Variants in STXBP5L observed in about 807,000 individuals in gnomAD.
The protein encoded by STXBP5L is syntaxin binding protein 5L.
In STXBP5L, 65 loss-of-function variants were observed where a neutral mutation model predicts 144.5. The ratio of observed to expected loss-of-function variants is 0.45; its 90% CI spans 0.37 to 0.55. The LOEUF (loss-of-function observed/expected upper bound fraction) is 0.55. Among genes scored for constraint, STXBP5L ranks in the 20% least tolerant of loss-of-function variants. The pLI is 0.00. For synonymous variants in STXBP5L, 505 were observed against 469.6 expected (o/e 1.08, Z -0.97); for missense variants, 1,298 against 1,405.5 (o/e 0.92, Z 1.22).
chr3:121,137,936 T>C (rs1316893258), intron 7 of STXBP5L, among the ~76,000 whole-genome samples: 1 of 152,040 alleles, frequency 6.6e-6, no homozygotes, highest in East Asian at 1.9e-4. Flanking sequence ...CCAGAGCAAC[T>C]AGGCAAGTGA....
intron 10 of STXBP5L, among the ~76,000 whole-genome samples, chr3:121,211,538 A>G (rs563416341): frequency 2.1e-5 from 3 of 145,104 alleles, no homozygotes; most frequent in Non-Finnish European, 3.0e-5. Flanking sequence ...TTTTTTCTAC[A>G]TCTTCTCCAG....
intron 10 of STXBP5L, among the ~76,000 whole-genome samples, chr3:121,213,122 G>A (rs943819985): frequency 6.6e-6 from 1 of 152,114 alleles, no homozygotes; most frequent in Non-Finnish European, 1.5e-5. Context: ...TGAGACAATG[G>A]GGTTTTCTAA....
At chr3:121,192,369 T>C (rs1448358604) in intron 9 of STXBP5L, among the ~76,000 whole-genome samples, 1 of 152,096 alleles carries the variant, frequency 6.6e-6, no homozygotes, top group African/African-American at 2.4e-5. Flanking sequence ...ATAGGAAGAA[T>C]CAATATCATC....
At chr3:121,044,482 G>T (rs952970594) in intron 4 of STXBP5L, among the ~76,000 whole-genome samples, 1 of 152,112 alleles carries the variant, frequency 6.6e-6, no homozygotes, top group African/African-American at 2.4e-5. Flanking sequence ...AACTATGAGA[G>T]ATTACTTCTA....
intron 3 of STXBP5L, among the ~76,000 whole-genome samples, chr3:121,003,169 C>A (rs978982229): frequency 1.4e-4 from 21 of 152,298 alleles, no homozygotes; most frequent in Non-Finnish European, 2.6e-4. Context: ...TACAGTCCCA[C>A]CAACAGTGTA....
chr3:120,963,555 T>C (rs1939144342), intron 3 of STXBP5L, among the ~76,000 whole-genome samples: 1 of 152,200 alleles, frequency 6.6e-6, no homozygotes, highest in African/African-American at 2.4e-5. Flanking sequence ...ATTTGTTCTG[T>C]TTATTTGATG....
chr3:121,006,876 C>T (rs1384843011), intron 3 of STXBP5L, among the ~76,000 whole-genome samples: 1 of 152,088 alleles, frequency 6.6e-6, no homozygotes, highest in African/African-American at 2.4e-5. Context: ...TGAATATTGG[C>T]CCCCACTCTC....
chr3:121,072,400 G>A (rs2041845880), intron 5 of STXBP5L, among the ~76,000 whole-genome samples: 1 of 152,264 alleles, frequency 6.6e-6, no homozygotes, highest in Non-Finnish European at 1.5e-5. Flanking sequence ...AACGGCTTGA[G>A]TGATGGCAGT....
intron 3 of STXBP5L, among the ~76,000 whole-genome samples, chr3:121,034,155 A>G (rs1361620125): frequency 6.6e-6 from 1 of 152,090 alleles, no homozygotes. Context: ...AAATTTATAT[A>G]CATTTAAGGG....
chr3:121,280,881 G>T (rs2051035823), intron 19 of STXBP5L, among the ~76,000 whole-genome samples: 1 of 151,046 alleles, frequency 6.6e-6, no homozygotes, highest in Non-Finnish European at 1.5e-5. Context: ...TTCAAGACCA[G>T]TCTACGTAAC....
intron 3 of STXBP5L, among the ~76,000 whole-genome samples, chr3:120,964,886 T>G (rs1939364255): frequency 6.6e-6 from 1 of 152,106 alleles, no homozygotes. Flanking sequence ...AAATCTCCCA[T>G]TATTATTGTG....
At chr3:121,277,387 A>C (rs965820519) in intron 18 of STXBP5L, among the ~76,000 whole-genome samples, 2 of 152,108 alleles carry the variant, frequency 1.3e-5, no homozygotes, top group African/African-American at 4.8e-5. Flanking sequence ...AAACACAAAC[A>C]TTCAGAGGAT....
chr3:121,110,693 T>C lies in STXBP5L; in HGVS notation c.471-4232T>C, dbSNP rs143901437. Among the ~76,000 whole-genome samples the C allele has an allele frequency of 2.0e-4, 31 of 152,232 alleles. No homozygotes were observed. In the East Asian group the frequency reaches 5.0e-3, roughly 25 times the overall value. ...TTCATTTCGACCTTACAGAATCTGA[T>C]ATTATGTGCCTTGGGGGTTGATCTT... is the stretch of plus-strand genomic sequence containing the variant. On this transcript the variant is annotated intron_variant, in intron 5 of 26. Transcript: ENST00000471454.
intron 9 of STXBP5L, among the ~76,000 whole-genome samples, chr3:121,193,547 C>G (rs2047793669): frequency 6.6e-6 from 1 of 152,126 alleles, no homozygotes; most frequent in Non-Finnish European, 1.5e-5. Flanking sequence ...GCACTACTCA[C>G]AATAGCAAAA....
chr3:121,079,834 G>A (rs369193718), intron 5 of STXBP5L, among the ~76,000 whole-genome samples: 2 of 152,166 alleles, frequency 1.3e-5, no homozygotes, highest in Non-Finnish European at 2.9e-5. Context: ...TATCTGTTAA[G>A]CCCATTTGTT....
In STXBP5L at chr3:121,223,042, C is replaced by T. The variant is rs2049021286; in HGVS notation, c.996C>T (p.Asp332=). ...TATTCTCTGGTGGGCTGTCCTATGA[C>T]AAAGCTTGTAGAAGACCAAGTTTAA... ...FIIFSGGLSY[D]KACRRPSLTI... is the part of the protein sequence containing the mutation. Residue 332 remains aspartate (D), a synonymous_variant, in exon 11 of 27, where the codon GAC becomes GAT. Transcript: ENST00000471454. 6.2e-7 allele frequency: 1 copy of T among 1,612,126 alleles called. No homozygotes were observed. Among genetic ancestry groups the T allele is most frequent in the Non-Finnish European group, 8.5e-7 (1 of 1,179,332 alleles).
At chr3:121,046,494 C>T (rs923551440) in intron 5 of STXBP5L, among the ~76,000 whole-genome samples, 2 of 151,798 alleles carry the variant, frequency 1.3e-5, no homozygotes, top group African/African-American at 4.8e-5. Context: ...TGTCCTGGGT[C>T]CTTTATGGTT....
intron 7 of STXBP5L, among the ~76,000 whole-genome samples, chr3:121,142,224 A>C (rs1397984292): frequency 1.3e-5 from 2 of 152,026 alleles, no homozygotes; most frequent in Non-Finnish European, 2.9e-5. Context: ...TTATAAATAT[A>C]TACACATCTG....
At chr3:121,339,787 A>T (rs749942952) in intron 20 of STXBP5L, among the ~76,000 whole-genome samples, 2 of 151,758 alleles carry the variant, frequency 1.3e-5, no homozygotes, top group Non-Finnish European at 2.9e-5. Context: ...AGAATCAAAT[A>T]AAAAACTCAG....
Sources: gnomAD v4.1 joint callset for allele counts (sites outside exome capture counted in the v4.1 genomes callset) on GRCh38, gnomAD v4.1.1 for gene constraint, MANE v1.5 for transcripts, NCBI Gene and HGNC (gene_info 2026-07-23, HGNC 2026-07-21) for gene names.